The following SCARB1 variants were observed in gnomAD, a reference collection of about 807,000 sequenced individuals.
SCARB1 encodes the protein CD36 and LIMPII analogous 1.
A neutral mutation model predicts 57.2 loss-of-function variants in SCARB1; 30 were observed. The ratio of observed to expected loss-of-function variants is 0.52; its 90% CI spans 0.39 to 0.71. SCARB1 has a LOEUF of 0.71. SCARB1 is among the 30% of genes least tolerant of loss of function. The pLI is 0.00. For synonymous variants in SCARB1, 249 were observed against 268.3 expected, an observed-to-expected ratio of 0.93 and a Z score of 0.70; for missense variants, 543 against 671.2, an observed-to-expected ratio of 0.81 and a Z score of 2.11.
intron 1 of SCARB1, among the ~76,000 whole-genome samples, chr12:124,826,078 A>T (rs1335747302): frequency 3.3e-5 from 5 of 151,276 alleles, no homozygotes; most frequent in African/African-American, 1.2e-4. Context: ...CATGCCTGTA[A>T]TCCCAGCACT....
chr12:124,832,654 C>G (rs1417571083), intron 1 of SCARB1, among the ~76,000 whole-genome samples: 3 of 152,102 alleles, frequency 2.0e-5, no homozygotes, highest in African/African-American at 7.2e-5. Context: ...AAATGTGCAC[C>G]CCATATTTAT....
intron 8 of SCARB1, among the ~76,000 whole-genome samples, chr12:124,799,838 G>T (rs771005771): frequency 1.9e-4 from 29 of 152,096 alleles, no homozygotes; most frequent in Admixed American, 6.6e-4. Flanking sequence ...ACATCCAGAG[G>T]GCTGCCTCCA....
intron 1 of SCARB1, among the ~76,000 whole-genome samples, chr12:124,819,512 T>C (rs565881458): frequency 6.6e-6 from 1 of 152,250 alleles, no homozygotes; most frequent in South Asian, 2.1e-4. Flanking sequence ...GATCTATAAT[T>C]CGCTGCCCCA....
chr12:124,835,262 A>ATT (rs35607122), intron 1 of SCARB1, among the ~76,000 whole-genome samples: 49,754 of 148,228 alleles, frequency 0.34, 8,685 homozygotes, highest in Admixed American at 0.49. Flanking sequence ...GTATGTTTGA[A>ATT]TTTTTTTTTT....
chr12:124,786,610 C>G, intron 10 of SCARB1, 107 bp from the exon 11 acceptor site: 1 of 1,549,118 alleles, frequency 6.5e-7, no homozygotes, highest in East Asian at 2.4e-5. Flanking sequence ...TTTTCCCCAC[C>G]TCAAGCTTCC....
At chr12:124,805,725 ATTTTTTTT>A (rs755476758) in intron 7 of SCARB1, among the ~76,000 whole-genome samples, 1 of 79,590 alleles carries the variant, frequency 1.3e-5, no homozygotes, top group East Asian at 3.3e-4. Flanking sequence ...TGCCTAGCTA[ATTTTTTTT>A]TTTTTTTTTT....
intron 9 of SCARB1, among the ~76,000 whole-genome samples, chr12:124,791,826 G>C (rs1271851736): frequency 6.6e-6 from 1 of 152,004 alleles, no homozygotes; most frequent in Non-Finnish European, 1.5e-5. Context: ...CGTGGTGGCG[G>C]GCACCTGTAA....
rs1209840018 is a variant in SCARB1 at position 124,800,667 on chromosome 12, C to T, written c.1010-425G>A. On this transcript the variant is annotated intron_variant, in intron 7 of 12. Coordinates refer to ENST00000261693, the MANE Select transcript of SCARB1 (RefSeq NM_005505.5). This position sits in a 1 kb window ranked among gnomAD's most constrained non-coding sequence, Gnocchi z 4.8. ...TGGGTGTGGGGAGGGGAGTCTCAAGCGCAAGCCAAGCAGCCCACACTGTCC... is the reference window on the plus strand; with the variant it reads ...TGGGTGTGGGGAGGGGAGTCTCAAGTGCAAGCCAAGCAGCCCACACTGTCC... 1.3e-5 allele frequency among the ~76,000 whole-genome samples: 2 copies of T among 152,132 alleles called. No individual in the cohort carries two copies. The highest frequency in any genetic ancestry group is 1.5e-5 in the Non-Finnish European group (1 of 68,006).
chr12:124,830,076 T>C (rs1951326935), intron 1 of SCARB1, among the ~76,000 whole-genome samples: 1 of 152,154 alleles, frequency 6.6e-6, no homozygotes, highest in East Asian at 1.9e-4. Context: ...AGGATTCCTG[T>C]GACTTCCTGG....
At position 124,808,625 on chromosome 12, in the gene SCARB1, C is replaced by T. The variant is rs143414585; in HGVS notation, c.843-698G>A. On this transcript the variant is annotated intron_variant, in intron 6 of 12. Transcript: ENST00000261693. Reference sequence around the variant, plus strand: ...ACTTCCTCGGGTGGCAGCACCGTCCCCCACACCCACCCCATCCACCCTCCA... The same window carrying T: ...ACTTCCTCGGGTGGCAGCACCGTCCTCCACACCCACCCCATCCACCCTCCA... Among the ~76,000 whole-genome samples, 76 of 152,276 alleles carry T rather than the reference C, an allele frequency of 5.0e-4. No homozygotes were observed. In the East Asian group the frequency reaches 0.013, roughly 26 times the overall value.
intron 5 of SCARB1, 135 bp downstream of exon 5, chr12:124,811,735 G>C: frequency 1.4e-6 from 1 of 690,310 alleles, no homozygotes; most frequent in Non-Finnish European, 2.6e-6. Context: ...AACTTCAAGA[G>C]TGTTCATCCT....
intron 1 of SCARB1, among the ~76,000 whole-genome samples, chr12:124,837,927 A>G (rs1951757428): frequency 6.6e-6 from 1 of 152,218 alleles, no homozygotes; most frequent in African/African-American, 2.4e-5. Flanking sequence ...AAATAAATAA[A>G]CAAACAATTG....
At chr12:124,838,011 AC>A (rs1951760216) in intron 1 of SCARB1, among the ~76,000 whole-genome samples, 1 of 152,282 alleles carries the variant, frequency 6.6e-6, no homozygotes, top group African/African-American at 2.4e-5. Flanking sequence ...ATGCAGTGGC[AC>A]TGGCCCACAG....
chr12:124,800,063 G>T lies in SCARB1; in HGVS notation c.1128+61C>A. 8.0e-7 allele frequency: 1 copy of T among 1,256,108 alleles called. No individual in the cohort carries two copies. The highest frequency in any genetic ancestry group is 1.2e-6 in the Non-Finnish European group (1 of 856,024). 77.8% of individuals were successfully genotyped at this position (1,256,108 alleles called of 1,614,324 possible). A position where few individuals can be genotyped will look rare whatever the true frequency, so the allele number is the denominator to read the frequency against. The stretch of plus-strand genomic sequence containing the variant: ...AGCTCTCTGCCTGGGGAGAGAGGAG[G>T]CAGCCAGGTGTGCTCCAACCAGGAA... On this transcript the variant is annotated intron_variant, in intron 8 of 12. Transcript: ENST00000261693. This position sits in a 1 kb window ranked among gnomAD's most constrained non-coding sequence, Gnocchi z 4.8.
chr12:124,852,373 G>A (rs1046434209), intron 1 of SCARB1, among the ~76,000 whole-genome samples: 3 of 152,204 alleles, frequency 2.0e-5, no homozygotes, highest in African/African-American at 7.2e-5. Flanking sequence ...CCCAGGCTTT[G>A]GGGTGTTCCC....
rs1949650965 is a variant in SCARB1 at position 124,789,637 on chromosome 12, T to C, written c.1203-2180A>G. ...CCTTAAAGAGAGAAGCGGGAAGTCC[T>C]AGCCAGAGCAATCAGGCAAGAGAAA... On this transcript the variant is annotated intron_variant, in intron 9 of 12. Coordinates refer to ENST00000261693, the MANE Select transcript of SCARB1 (RefSeq NM_005505.5). This position sits in a 1 kb window ranked among gnomAD's most constrained non-coding sequence, Gnocchi z 4.4. Among the ~76,000 whole-genome samples, 1 of 151,920 alleles carries C rather than the reference T, an allele frequency of 6.6e-6. No individual in the cohort carries two copies.
Position 124,814,542 on chromosome 12 carries a change from G to A in SCARB1, c.427-137C>T, listed in dbSNP as rs545007262. ...AGGAGGCCCCTGGAGTGGCCACGTG[G>A]GGCATCTGGGACACCAGAACCACCC... is the stretch of plus-strand genomic sequence containing the variant. On this transcript the variant is annotated intron_variant, in intron 3 of 12. Transcript: ENST00000261693. This position sits in a 1 kb window ranked among gnomAD's most constrained non-coding sequence, Gnocchi z 4.7. 2,503 of 855,210 alleles carry A rather than the reference G, an allele frequency of 2.9e-3. 6 individuals carry two copies. The highest frequency in any genetic ancestry group is 6.6e-3 in the Middle Eastern group (20 of 3,014). 53.0% of individuals were successfully genotyped at this position (855,210 alleles called of 1,614,324 possible).
intron 1 of SCARB1, among the ~76,000 whole-genome samples, chr12:124,820,272 G>C (rs549259663): frequency 6.6e-6 from 1 of 152,238 alleles, no homozygotes; most frequent in South Asian, 2.1e-4. Flanking sequence ...ATTACTCTTT[G>C]AGGCAGCCAC....
chr12:124,857,079 A>G (rs1284089765), intron 1 of SCARB1, among the ~76,000 whole-genome samples: 2 of 152,134 alleles, frequency 1.3e-5, no homozygotes, highest in African/African-American at 4.8e-5. Context: ...CGCCCGCCTT[A>G]AGCATGCAGT....
Sources: allele counts gnomAD v4.1 joint callset (sites outside exome capture counted in the v4.1 genomes callset), GRCh38; gene constraint gnomAD v4.1.1; non-coding constraint Gnocchi (gnomAD v3.1); transcripts MANE v1.5; gene names NCBI Gene and HGNC (gene_info 2026-07-23, HGNC 2026-07-21).